The following NELL1 variants were observed in gnomAD, a reference collection of about 807,000 sequenced individuals.
NELL1 encodes protein kinase C-binding protein NELL1.
NELL1 carries 76 observed loss-of-function variants against 107.4 expected under a neutral mutation model. That is an observed-to-expected ratio of 0.71 (90% CI 0.59 to 0.86). The LOEUF is 0.86. Ranked by LOEUF, NELL1 falls within the 40% of genes least tolerant of loss-of-function variation. The probability of loss-of-function intolerance (pLI) is 0.00; values close to 1 mark genes in which losing one functional copy is unlikely to be tolerated. For synonymous variants in NELL1, 353 were observed against 341.2 expected (o/e 1.03, Z -0.38); for missense variants, 1,024 against 1,005.5 (o/e 1.02, Z -0.25).
chr11:20,744,184 G>A lies in NELL1; in HGVS notation c.185-39496G>A, dbSNP rs368211597. The stretch of plus-strand genomic sequence containing the variant: ...AACTGGTATCCTGTCCTCCACTTAC[G>A]CTCCACTCTAGTCCATCCTACAGGC... On this transcript the variant is annotated intron_variant, in intron 2 of 19. Transcript: ENST00000357134. Among the ~76,000 whole-genome samples, 7 of 152,014 alleles carry A rather than the reference G, an allele frequency of 4.6e-5. No homozygotes were observed. In the East Asian group the frequency reaches 5.8e-4, roughly 13 times the overall value.
chr11:21,236,176 A>G (rs893746551), intron 14 of NELL1, among the ~76,000 whole-genome samples: 1 of 152,032 alleles, frequency 6.6e-6, no homozygotes, highest in African/African-American at 2.4e-5. Context: ...TCCAGCTCAA[A>G]TCCCATTTTT....
chr11:20,991,949 A>AC (rs1301924092), intron 12 of NELL1, among the ~76,000 whole-genome samples: 1 of 142,638 alleles, frequency 7.0e-6, no homozygotes, highest in Non-Finnish European at 1.5e-5. Context: ...GGGCATAACA[A>AC]CCCCTCTCCT....
At chr11:21,161,904 G>A (rs1418091520) in intron 13 of NELL1, among the ~76,000 whole-genome samples, 1 of 140,724 alleles carries the variant, frequency 7.1e-6, no homozygotes, top group East Asian at 2.1e-4. Context: ...GGATAGTACA[G>A]TAAAAGTTCC....
At chr11:21,152,285 T>C (rs920345291) in intron 13 of NELL1, among the ~76,000 whole-genome samples, 3 of 152,112 alleles carry the variant, frequency 2.0e-5, no homozygotes, top group African/African-American at 7.2e-5. Flanking sequence ...TGATCCCAAT[T>C]CTCTCCTCGC....
chr11:20,716,790 T>C (rs544408979), intron 2 of NELL1, among the ~76,000 whole-genome samples: 22 of 152,226 alleles, frequency 1.4e-4, no homozygotes, highest in Non-Finnish European at 2.8e-4. Context: ...TTTCATAGTA[T>C]TGTTCTGTGG....
intron 14 of NELL1, among the ~76,000 whole-genome samples, chr11:21,321,549 G>C (rs76178643): frequency 0.018 from 2,781 of 152,238 alleles, 84 homozygotes; most frequent in African/African-American, 0.064. Flanking sequence ...TAGAATAGGA[G>C]AGAGCTTATT....
intron 5 of NELL1, among the ~76,000 whole-genome samples, chr11:20,908,219 T>C (rs1326192146): frequency 6.6e-6 from 1 of 152,220 alleles, no homozygotes; most frequent in African/African-American, 2.4e-5. Flanking sequence ...GCCAAAGGAA[T>C]ATAAGTCAAT....
intron 14 of NELL1, among the ~76,000 whole-genome samples, chr11:21,366,642 C>T (rs1402440252): frequency 6.6e-6 from 1 of 151,896 alleles, no homozygotes; most frequent in Non-Finnish European, 1.5e-5. Flanking sequence ...TCAAATTTAC[C>T]AACAAAATAA....
intron 15 of NELL1, among the ~76,000 whole-genome samples, chr11:21,515,938 T>C (rs902097968): frequency 1.3e-5 from 2 of 152,212 alleles, no homozygotes; most frequent in Non-Finnish European, 2.9e-5. Context: ...TCAGCAATGC[T>C]GTTGCTTCTC....
chr11:21,207,194 T>C (rs1309250089), intron 13 of NELL1, among the ~76,000 whole-genome samples: 2 of 152,238 alleles, frequency 1.3e-5, no homozygotes, highest in South Asian at 2.1e-4. Flanking sequence ...GAATCTGTAT[T>C]ACTTGCCTGG....
chr11:21,472,166 T>A (rs201567630), intron 15 of NELL1, among the ~76,000 whole-genome samples: 6,429 of 152,000 alleles, frequency 0.042, 297 homozygotes, highest in East Asian at 0.16. Context: ...TTTGTTTGTT[T>A]GTTTGTTTGT....
intron 15 of NELL1, among the ~76,000 whole-genome samples, chr11:21,394,632 G>T (rs1851944696): frequency 6.6e-6 from 1 of 151,354 alleles, no homozygotes; most frequent in Non-Finnish European, 1.5e-5. Context: ...GGTGTGTATT[G>T]TATCTGGGTT....
intron 5 of NELL1, among the ~76,000 whole-genome samples, chr11:20,886,990 C>T (rs1358070903): frequency 1.3e-5 from 2 of 151,968 alleles, no homozygotes; most frequent in Non-Finnish European, 2.9e-5. Context: ...AATTTCCATC[C>T]CCCTTTGTAT....
At chr11:20,905,823 C>G (rs1370489242) in intron 5 of NELL1, among the ~76,000 whole-genome samples, 1 of 151,946 alleles carries the variant, frequency 6.6e-6, no homozygotes, top group Non-Finnish European at 1.5e-5. Context: ...AATGTATGCA[C>G]CGGGGGTGTC....
chr11:21,186,880 A>G (rs1373658947), intron 13 of NELL1, among the ~76,000 whole-genome samples: 1 of 151,890 alleles, frequency 6.6e-6, no homozygotes, highest in African/African-American at 2.4e-5. Context: ...TGTTCTGAGT[A>G]CAGAAAGTCA....
At chr11:21,189,852 T>C (rs375723349) in intron 13 of NELL1, among the ~76,000 whole-genome samples, 5 of 151,822 alleles carry the variant, frequency 3.3e-5, no homozygotes, top group African/African-American at 1.2e-4. Flanking sequence ...AGAAAAAAGA[T>C]ATTTTGTTGC....
chr11:21,220,556 T>A (rs1857729733), intron 13 of NELL1, among the ~76,000 whole-genome samples: 1 of 152,190 alleles, frequency 6.6e-6, no homozygotes, highest in Admixed American at 6.5e-5. Context: ...CTTTTATCAA[T>A]GTTTTGTAGT....
In NELL1 at chr11:20,669,710, G is replaced by A. The variant is rs1453396951; in HGVS notation, c.-14G>A. ...GCTTCGGTGCCCCCTGCTAGGCGGG[G>A]ACCCTCGAGAGCGATGCCGATGGAT... On this transcript the variant is annotated 5_prime_UTR_variant, in exon 1 of 20. Transcript: ENST00000357134. This position sits in a 1 kb window ranked among gnomAD's most constrained non-coding sequence, Gnocchi z 4.4. 3 of 1,612,668 alleles carry A rather than the reference G, an allele frequency of 1.9e-6. No individual in the cohort carries two copies. Among genetic ancestry groups the A allele is most frequent in the Non-Finnish European group, 2.5e-6 (3 of 1,178,968 alleles).
intron 13 of NELL1, among the ~76,000 whole-genome samples, chr11:21,191,059 T>G (rs1220277088): frequency 6.6e-6 from 1 of 151,906 alleles, no homozygotes; most frequent in African/African-American, 2.4e-5. Context: ...TTAGCTGTGC[T>G]GCTTTCTAGC....
Sources: gnomAD v4.1 joint callset for allele counts (sites outside exome capture counted in the v4.1 genomes callset) on GRCh38, gnomAD v4.1.1 for gene constraint, Gnocchi (gnomAD v3.1) non-coding constraint, MANE v1.5 for transcripts, NCBI Gene and HGNC (gene_info 2026-07-23, HGNC 2026-07-21) for gene names.